Variants in KLHL3 observed in about 807,000 individuals in gnomAD.
KLHL3 encodes the protein kelch-like protein 3.
A neutral mutation model predicts 70.5 loss-of-function variants in KLHL3; 19 were observed. The ratio of observed to expected loss-of-function variants is 0.27; its 90% confidence interval spans 0.19 to 0.40. KLHL3 has a LOEUF of 0.40. KLHL3 is among the 10% of genes least tolerant of loss of function. KLHL3 has a pLI of 1.00. For missense variants in KLHL3, 512 were observed against 771.1 expected (o/e 0.66, Z 3.98); for synonymous variants, 258 against 290.3 (o/e 0.89, Z 1.13).
chr5:137,647,028 G>C (rs138901226), intron 8 of KLHL3, among the ~76,000 whole-genome samples: 1 of 152,138 alleles, frequency 6.6e-6, no homozygotes, highest in Non-Finnish European at 1.5e-5. Context: ...GGTGAATGGA[G>C]GTTCTCTGGT....
At chr5:137,710,806 C>G (rs931679536) in intron 2 of KLHL3, among the ~76,000 whole-genome samples, 12 of 152,194 alleles carry the variant, frequency 7.9e-5, no homozygotes, top group African/African-American at 2.9e-4. Context: ...ACTTCATCCT[C>G]TCTACCACCC....
At chr5:137,694,318 G>T (rs1752394641) in intron 4 of KLHL3, among the ~76,000 whole-genome samples, 1 of 152,128 alleles carries the variant, frequency 6.6e-6, no homozygotes, top group Non-Finnish European at 1.5e-5. Flanking sequence ...CCATGTCTGT[G>T]ATATTTTCTG....
rs1051268313 is a variant in KLHL3, at chr5:137,658,176, A to T, written c.858T>A (p.Ile286=). 8 of 1,613,894 alleles carry T rather than the reference A, an allele frequency of 5.0e-6. No individual in the cohort carries two copies. In the Admixed American group the frequency reaches 1.0e-4, roughly 20 times the overall value. ...HLLPLDQRLL[I]KNPRTKPRTP... ...TCCTGGGCTTGGTCCTTGGGTTCTT[A>T]ATCAATAGTCTCTGATCCAGAGGGA... The change falls in exon 8 of 15, where the codon ATT becomes ATA. Residue 286 remains isoleucine (I), a synonymous_variant. Coordinates refer to ENST00000309755, the MANE Select transcript of KLHL3 (RefSeq NM_017415.3).
At chr5:137,693,803 G>T (rs1172083941) in intron 4 of KLHL3, among the ~76,000 whole-genome samples, 1 of 152,134 alleles carries the variant, frequency 6.6e-6, no homozygotes. Flanking sequence ...GCTTGCCCAG[G>T]AAGATATGGG....
chr5:137,637,959 G>T (rs1004970625), intron 10 of KLHL3, among the ~76,000 whole-genome samples: 1 of 152,172 alleles, frequency 6.6e-6, no homozygotes, highest in African/African-American at 2.4e-5. Context: ...GCCATCTCAC[G>T]ATCATGAGAA....
intron 11 of KLHL3, among the ~76,000 whole-genome samples, chr5:137,634,619 C>G (rs1750723257): frequency 6.6e-6 from 1 of 152,166 alleles, no homozygotes; most frequent in South Asian, 2.1e-4. Context: ...AATTATTATT[C>G]AATGAGAACC....
At chr5:137,689,608 G>T (rs1230802610) in intron 5 of KLHL3, among the ~76,000 whole-genome samples, 2 of 152,220 alleles carry the variant, frequency 1.3e-5, no homozygotes, top group African/African-American at 4.8e-5. Context: ...TCACTTGTAA[G>T]TGGGCTAAAC....
intron 1 of KLHL3, among the ~76,000 whole-genome samples, chr5:137,724,369 T>C (rs545232271): frequency 1.2e-3 from 178 of 152,326 alleles, no homozygotes; most frequent in African/African-American, 3.7e-3. Flanking sequence ...CAATCTCCAG[T>C]GTGGCTAGTG....
At chr5:137,662,248 C>CACACACAT (rs1751498847) in intron 6 of KLHL3, among the ~76,000 whole-genome samples, 1 of 139,200 alleles carries the variant, frequency 7.2e-6, no homozygotes. Context: ...TCTACACACA[C>CACACACAT]ACACACACAC....
chr5:137,728,237 A>G (rs1753115676), intron 1 of KLHL3, among the ~76,000 whole-genome samples: 1 of 152,214 alleles, frequency 6.6e-6, no homozygotes, highest in South Asian at 2.1e-4. Flanking sequence ...ACTCCAGCAC[A>G]CTGCTGCCCC....
intron 1 of KLHL3, among the ~76,000 whole-genome samples, chr5:137,733,989 C>T (rs1753220966): frequency 6.6e-6 from 1 of 152,212 alleles, no homozygotes; most frequent in East Asian, 1.9e-4. Flanking sequence ...AGTACAAGAA[C>T]ATGTGCAACC....
At chr5:137,653,600 A>T (rs1751264579) in intron 8 of KLHL3, among the ~76,000 whole-genome samples, 1 of 152,226 alleles carries the variant, frequency 6.6e-6, no homozygotes, top group Non-Finnish European at 1.5e-5. Context: ...AAAATAGATA[A>T]TGTCAAGTAG....
intron 8 of KLHL3, among the ~76,000 whole-genome samples, chr5:137,650,256 T>C (rs1325302894): frequency 6.6e-6 from 1 of 152,188 alleles, no homozygotes; most frequent in Non-Finnish European, 1.5e-5. Context: ...GCGTTTTACC[T>C]TGGAGACACA....
intron 6 of KLHL3, 35 bp downstream of exon 6, chr5:137,677,510 T>A (rs1751913553): frequency 7.9e-7 from 1 of 1,264,620 alleles, no homozygotes; most frequent in Admixed American, 2.0e-5. Context: ...ACCTGACGAG[T>A]GAGGTTCCCG....
At chr5:137,655,811 T>G (rs1288949536) in intron 8 of KLHL3, among the ~76,000 whole-genome samples, 1 of 151,562 alleles carries the variant, frequency 6.6e-6, no homozygotes, top group African/African-American at 2.4e-5. Context: ...GGCAAAAACC[T>G]GTCTCTACAA....
intron 6 of KLHL3, among the ~76,000 whole-genome samples, chr5:137,676,840 T>C (rs6869393): frequency 0.2 from 30,184 of 152,152 alleles, 3,193 homozygotes; most frequent in Non-Finnish European, 0.24. Flanking sequence ...CTACATCTAC[T>C]GGCATAAAGA....
chr5:137,698,253 C>T (rs771436812), intron 4 of KLHL3, 34 bp downstream of exon 4: 4 of 1,612,664 alleles, frequency 2.5e-6, no homozygotes, highest in Non-Finnish European at 3.4e-6. Flanking sequence ...CCTGAGTGTG[C>T]AATACACTGA....
chr5:137,712,383 C>T (rs1752811158), intron 2 of KLHL3, among the ~76,000 whole-genome samples: 2 of 152,150 alleles, frequency 1.3e-5, no homozygotes, highest in South Asian at 4.2e-4. Flanking sequence ...ATGGAGAATC[C>T]AGTTAAGCAA....
intron 4 of KLHL3, among the ~76,000 whole-genome samples, chr5:137,697,846 T>A (rs1170345365): frequency 6.6e-6 from 1 of 152,224 alleles, no homozygotes; most frequent in Non-Finnish European, 1.5e-5. Context: ...ATTATAGACT[T>A]CTACTACCTC....
Sources: gnomAD v4.1 joint callset for allele counts (sites outside exome capture counted in the v4.1 genomes callset) on GRCh38, gnomAD v4.1.1 for gene constraint, MANE v1.5 for transcripts, NCBI Gene and HGNC (gene_info 2026-07-23, HGNC 2026-07-21) for gene names.